Variants in STK32B observed in about 807,000 individuals in gnomAD.
The protein encoded by STK32B is serine/threonine kinase 32B.
In STK32B, 43 loss-of-function variants were observed where a neutral mutation model predicts 52.6. The observed-to-expected ratio is 0.82, with a 90% CI of 0.64 to 1.05. The LOEUF (loss-of-function observed/expected upper bound fraction) is 1.05, where lower values mean the gene tolerates loss of function less well. Among genes scored for constraint, STK32B ranks in the 50% least tolerant of loss-of-function variants. The pLI is 0.00. For missense variants in STK32B, 621 were observed against 534.6 expected (o/e 1.16, Z -1.59); for synonymous variants, 238 against 204.3 (o/e 1.17, Z -1.41).
intron 11 of STK32B, among the ~76,000 whole-genome samples, chr4:5,496,744 T>G (rs1353803364): frequency 1.3e-5 from 2 of 151,956 alleles, no homozygotes; most frequent in African/African-American, 4.8e-5. Flanking sequence ...AAGATCAAAA[T>G]GTTGCCGTTC....
chr4:5,344,787 T>C (rs1733337773), intron 4 of STK32B, among the ~76,000 whole-genome samples: 1 of 152,134 alleles, frequency 6.6e-6, no homozygotes, highest in African/African-American at 2.4e-5. Context: ...GTTTTATCTA[T>C]GCAAGCATTC....
At chr4:5,163,710 A>G (rs866923391) in intron 2 of STK32B, among the ~76,000 whole-genome samples, 12 of 152,326 alleles carry the variant, frequency 7.9e-5, no homozygotes, top group Middle Eastern at 3.4e-3. Context: ...CATTCTCACC[A>G]GGCAAAAGGA....
intron 6 of STK32B, among the ~76,000 whole-genome samples, chr4:5,425,578 G>A (rs1398112663): frequency 6.7e-6 from 1 of 148,466 alleles, no homozygotes; most frequent in Non-Finnish European, 1.5e-5. Context: ...ACCCTCATTG[G>A]TTTGGCTGTT....
intron 1 of STK32B, among the ~76,000 whole-genome samples, chr4:5,137,924 C>G (rs1299787601): frequency 7.2e-6 from 1 of 139,664 alleles, no homozygotes; most frequent in African/African-American, 3.2e-5. Context: ...TGGTGCTATT[C>G]AGGGAACCCG....
intron 3 of STK32B, among the ~76,000 whole-genome samples, chr4:5,232,946 G>C (rs1296117415): frequency 1.3e-5 from 2 of 152,128 alleles, no homozygotes; most frequent in Admixed American, 1.3e-4. Context: ...GATCACAGCA[G>C]CTTTCTCCAC....
intron 1 of STK32B, among the ~76,000 whole-genome samples, chr4:5,115,709 G>T (rs1356965177): frequency 1.3e-5 from 2 of 152,168 alleles, no homozygotes; most frequent in Non-Finnish European, 2.9e-5. Flanking sequence ...GAGAGCTGGT[G>T]CTTTGCTGGT....
chr4:5,451,686 T>C (rs1370838389), intron 7 of STK32B, among the ~76,000 whole-genome samples: 2 of 152,148 alleles, frequency 1.3e-5, no homozygotes, highest in Admixed American at 6.5e-5. Context: ...TCCTGTGCAT[T>C]GTTAGGATGT....
intron 3 of STK32B, among the ~76,000 whole-genome samples, chr4:5,184,549 G>A (rs552402801): frequency 5.9e-5 from 9 of 151,946 alleles, no homozygotes; most frequent in African/African-American, 1.9e-4. Flanking sequence ...TTAGCTGGGC[G>A]TGGTGGTGCA....
At chr4:5,478,604 G>A (rs1213594484) in intron 11 of STK32B, among the ~76,000 whole-genome samples, 1 of 152,182 alleles carries the variant, frequency 6.6e-6, no homozygotes, top group Non-Finnish European at 1.5e-5. Context: ...AAATCTCCGG[G>A]AGACTGGAAA....
intron 9 of STK32B, among the ~76,000 whole-genome samples, chr4:5,461,550 A>T (rs545672227): frequency 6.6e-6 from 1 of 152,216 alleles, no homozygotes; most frequent in South Asian, 2.1e-4. Context: ...CCCAGTGTTC[A>T]CCACTGAATC....
chr4:5,490,947 A>C (rs557672146), intron 11 of STK32B, among the ~76,000 whole-genome samples: 32 of 152,192 alleles, frequency 2.1e-4, no homozygotes, highest in Admixed American at 1.2e-3. Context: ...TGTATATGTG[A>C]CACATTTTCT....
At chr4:5,311,186 C>G (rs575211539) in intron 3 of STK32B, among the ~76,000 whole-genome samples, 1 of 152,080 alleles carries the variant, frequency 6.6e-6, no homozygotes, top group Non-Finnish European at 1.5e-5. Flanking sequence ...TAGTTAACAA[C>G]AATTTATTGT....
At chr4:5,067,488 C>T (rs1054207352) in intron 1 of STK32B, among the ~76,000 whole-genome samples, 1 of 152,060 alleles carries the variant, frequency 6.6e-6, no homozygotes, top group Non-Finnish European at 1.5e-5. Context: ...TCAGAATAGA[C>T]TAAGGAAAAT....
At chr4:5,497,713 C>A (rs898268253) in intron 11 of STK32B, among the ~76,000 whole-genome samples, 1 of 47,432 alleles carries the variant, frequency 2.1e-5, no homozygotes, top group East Asian at 2.3e-4. Flanking sequence ...ACTGTGCGCA[C>A]ACACACACAC....
chr4:5,430,689 T>C (rs2654501), intron 6 of STK32B, among the ~76,000 whole-genome samples: 80,581 of 135,254 alleles, frequency 0.6, 21,511 homozygotes, highest in South Asian at 0.71. Context: ...TTTACTACTA[T>C]GCTTTTAGTT....
At chr4:5,497,876 G>A (rs1256665071) in intron 11 of STK32B, among the ~76,000 whole-genome samples, 1 of 152,088 alleles carries the variant, frequency 6.6e-6, no homozygotes, top group Non-Finnish European at 1.5e-5. Context: ...TTGACAACCT[G>A]CTCTGCACTC....
In STK32B at chr4:5,101,326, G is replaced by A. The variant is rs115896031; in HGVS notation, c.53-38579G>A. Among the ~76,000 whole-genome samples the A allele has an allele frequency of 5.9e-3, 893 of 152,300 alleles. 5 individuals are homozygous for A. The highest frequency in any genetic ancestry group is 0.01 in the Non-Finnish European group (703 of 68,032). The stretch of plus-strand genomic sequence containing the variant: ...GCATGCCTTCGGGGACATTGATTTA[G>A]GGATGGATGTACTCTAGTTGTTTCT... On this transcript the variant is annotated intron_variant, in intron 1 of 11. Transcript: ENST00000282908.
At chr4:5,248,107 G>T (rs551591540) in intron 3 of STK32B, among the ~76,000 whole-genome samples, 1 of 152,238 alleles carries the variant, frequency 6.6e-6, no homozygotes, top group East Asian at 1.9e-4. Flanking sequence ...GTGTTTTCAG[G>T]ATATGCAATT....
chr4:5,196,741 A>AATAAAATAAC (rs1448035453), intron 3 of STK32B, among the ~76,000 whole-genome samples: 3 of 151,612 alleles, frequency 2.0e-5, no homozygotes, highest in African/African-American at 7.3e-5. Context: ...AATAAAATAA[A>AATAAAATAAC]ATAAAATAAA....
Sources: allele counts gnomAD v4.1 joint callset (sites outside exome capture counted in the v4.1 genomes callset), GRCh38; gene constraint gnomAD v4.1.1; transcripts MANE v1.5; gene names NCBI Gene and HGNC (gene_info 2026-07-23, HGNC 2026-07-21).